RALGAPA1: variants seen among roughly 807,000 people sequenced by gnomAD.
The protein encoded by RALGAPA1 is ral GTPase-activating protein subunit alpha-1.
Under a neutral mutation model 269.6 loss-of-function variants are expected in RALGAPA1, and 52 were observed. The ratio of observed to expected loss-of-function variants is 0.19; its 90% CI spans 0.15 to 0.24. The LOEUF (loss-of-function observed/expected upper bound fraction) is 0.24. Among genes scored for constraint, RALGAPA1 ranks in the 10% least tolerant of loss-of-function variants. The pLI is 1.00. For missense variants in RALGAPA1, 1,917 were observed against 3,013.9 expected (o/e 0.64, Z 8.52); for synonymous variants, 817 against 1,008.3 (o/e 0.81, Z 3.60).
At chr14:35,566,414 T>A (rs1487850307) in intron 39 of RALGAPA1, among the ~76,000 whole-genome samples, 6 of 152,086 alleles carry the variant, frequency 3.9e-5, no homozygotes, top group Non-Finnish European at 7.4e-5. Context: ...ATAGCACAAT[T>A]TATGCTTTGG....
At chr14:35,674,457 C>T (rs1255075721) in intron 23 of RALGAPA1, 59 bp downstream of exon 23, 6 of 1,463,502 alleles carry the variant, frequency 4.1e-6, no homozygotes, top group Non-Finnish European at 4.6e-6. Context: ...TCTAAGGCTT[C>T]TTCTATTTTT....
At chr14:35,615,546 T>C (rs192659312) in intron 35 of RALGAPA1, among the ~76,000 whole-genome samples, 22 of 152,288 alleles carry the variant, frequency 1.4e-4, no homozygotes, top group Admixed American at 2.0e-4. Flanking sequence ...CTTGAGCTCA[T>C]TGTATTGAAA....
At chr14:35,769,532 A>G (rs187180676) in intron 4 of RALGAPA1, among the ~76,000 whole-genome samples, 4 of 152,308 alleles carry the variant, frequency 2.6e-5, no homozygotes, top group Admixed American at 6.5e-5. Flanking sequence ...CCTCAGCATC[A>G]TGAGATATAC....
At chr14:35,609,223 T>C (rs1181988608) in intron 35 of RALGAPA1, among the ~76,000 whole-genome samples, 1 of 148,836 alleles carries the variant, frequency 6.7e-6, no homozygotes, top group African/African-American at 2.5e-5. Flanking sequence ...CGACACTCCG[T>C]CTCAAAAAAA....
At chr14:35,611,589 G>C (rs2059939188) in intron 35 of RALGAPA1, among the ~76,000 whole-genome samples, 1 of 151,940 alleles carries the variant, frequency 6.6e-6, no homozygotes, top group Admixed American at 6.6e-5. Context: ...AATTGGCTGG[G>C]CATGGTGGCA....
At chr14:35,688,098 G>A (rs1211379733) in intron 18 of RALGAPA1, among the ~76,000 whole-genome samples, 1 of 152,176 alleles carries the variant, frequency 6.6e-6, no homozygotes, top group Non-Finnish European at 1.5e-5. Context: ...GTGGGGTGGG[G>A]AAGAAAGCAT....
At chr14:35,549,274 A>G in intron 39 of RALGAPA1, 40 bp from the exon 40 acceptor site, 1 of 1,583,088 alleles carries the variant, frequency 6.3e-7, no homozygotes, top group Non-Finnish European at 8.6e-7. Context: ...AGTGCAGCTT[A>G]TACTGGAAAA....
intron 41 of RALGAPA1, among the ~76,000 whole-genome samples, chr14:35,546,421 C>T (rs1006240671): frequency 6.6e-6 from 1 of 151,604 alleles, no homozygotes; most frequent in Admixed American, 6.6e-5. Flanking sequence ...AACTAACCTG[C>T]ACATTGTGCA....
intron 1 of RALGAPA1, among the ~76,000 whole-genome samples, chr14:35,791,607 C>CAA (rs981124408): frequency 1.4e-5 from 2 of 138,574 alleles, no homozygotes; most frequent in African/African-American, 5.3e-5. Flanking sequence ...AACTCTGTCT[C>CAA]AAAAAAAAAA....
chr14:35,685,730 C>G (rs1261992563), intron 19 of RALGAPA1, among the ~76,000 whole-genome samples: 3 of 152,064 alleles, frequency 2.0e-5, no homozygotes, highest in Non-Finnish European at 4.4e-5. Flanking sequence ...ATGGTGAAAC[C>G]CTGTCTCTAC....
chr14:35,590,323 C>T (rs1052316627), intron 37 of RALGAPA1, among the ~76,000 whole-genome samples: 1 of 152,140 alleles, frequency 6.6e-6, no homozygotes, highest in African/African-American at 2.4e-5. Context: ...TAGGCAATTT[C>T]TAACAATATT....
At chr14:35,798,282 C>A (rs552099290) in intron 1 of RALGAPA1, among the ~76,000 whole-genome samples, 36 of 151,494 alleles carry the variant, frequency 2.4e-4, no homozygotes, top group Admixed American at 1.8e-3. Context: ...CTCAAGCAAT[C>A]TCATCATCTC....
Position 35,548,514 on chromosome 14 carries a change from A to T in RALGAPA1, c.*17T>A. ...GGTTGACACTTTGTCTTACCTTCAG[A>T]TAAACAGAACTGATATTTAATGATC... On this transcript the variant is annotated 3_prime_UTR_variant, in exon 41 of 42. Transcript: ENST00000680220. 1 of 1,570,830 alleles carries T rather than the reference A, an allele frequency of 6.4e-7. No homozygotes were observed. The highest frequency in any genetic ancestry group is 8.6e-7 in the Non-Finnish European group (1 of 1,157,066).
chr14:35,641,664 C>T (rs565465694), intron 31 of RALGAPA1, among the ~76,000 whole-genome samples: 132 of 152,240 alleles, frequency 8.7e-4, no homozygotes, highest in Admixed American at 3.2e-3. Flanking sequence ...ATAATCATGT[C>T]CATACTACCC....
intron 1 of RALGAPA1, among the ~76,000 whole-genome samples, chr14:35,798,754 G>T (rs1167601536): frequency 1.3e-5 from 2 of 152,014 alleles, no homozygotes; most frequent in Non-Finnish European, 1.5e-5. Context: ...ATTTTGGGAG[G>T]CCCAGGCACA....
chr14:35,715,872 C>T (rs2068773265), intron 16 of RALGAPA1: 1 of 985,408 alleles, frequency 1.0e-6, no homozygotes, highest in African/African-American at 1.7e-5. Context: ...TACTGCTCAT[C>T]ACTCCATTTT....
rs575284166 is a variant in RALGAPA1, at chr14:35,765,991, G to A, written c.326-3238C>T. On this transcript the variant is annotated intron_variant, in intron 4 of 41. Transcript: ENST00000680220. The stretch of plus-strand genomic sequence containing the variant: ...TATTCAAAACAATATAGAGAAAAGA[G>A]GAAGCAGAATCTCCACTTTGAGAAT... The A allele has an allele frequency of 5.9e-5, 83 of 1,410,050 alleles. No homozygotes were observed. The African/African-American group carries it at 1.0e-3, about 18-fold the overall frequency. The allele number at this position is 1,410,050 out of a possible 1,614,324, so 87.3% of individuals were successfully genotyped here.
At position 35,734,963 on chromosome 14, in the gene RALGAPA1, T is replaced by C. The variant is rs1404096032; in HGVS notation, c.1587+3550A>G. On this transcript the variant is annotated intron_variant, in intron 12 of 41. Coordinates refer to ENST00000680220, the MANE Select transcript of RALGAPA1 (RefSeq NM_001346249.2). ...AACATGAAAAAATGCTCAAAATCAT[T>C]AATGATCAGGGAAATGCAAATCAAA... Among the ~76,000 whole-genome samples the C allele has an allele frequency of 2.0e-5, 3 of 151,806 alleles. No individual in the cohort carries two copies. The South Asian group carries it at 6.2e-4, about 32-fold the overall frequency.
chr14:35,758,310 C>CTGTACTCTG (rs2073384569), intron 6 of RALGAPA1, among the ~76,000 whole-genome samples: 1 of 149,274 alleles, frequency 6.7e-6, no homozygotes, highest in Non-Finnish European at 1.5e-5. Context: ...ACTTTATCAT[C>CTGTACTCTG]TGTACTCTGG....
Sources: allele counts gnomAD v4.1 joint callset (sites outside exome capture counted in the v4.1 genomes callset), GRCh38; gene constraint gnomAD v4.1.1; transcripts MANE v1.5; gene names NCBI Gene and HGNC (gene_info 2026-07-23, HGNC 2026-07-21).